Variants in EOGT observed in about 807,000 individuals in gnomAD.
The protein encoded by EOGT is EGF domain specific O-linked N-acetylglucosamine transferase.
In EOGT, 55 loss-of-function variants were observed where a neutral mutation model predicts 70.5. That is an observed-to-expected ratio of 0.78 (90% CI 0.63 to 0.98). The LOEUF (loss-of-function observed/expected upper bound fraction) is 0.98, where lower values mean the gene tolerates loss of function less well. EOGT is among the 50% of genes least tolerant of loss of function. EOGT has a pLI of 0.00. For missense variants in EOGT, 703 were observed against 641.9 expected (o/e 1.10, Z -1.03); for synonymous variants, 246 against 217.1 (o/e 1.13, Z -1.17).
At position 68,979,763 on chromosome 3, in the gene EOGT, T is replaced by C. The variant is rs200059303; in HGVS notation, c.1239A>G (p.Leu413=). 1.9e-6 allele frequency: 3 copies of C among 1,613,576 alleles called. No individual in the cohort carries two copies. The highest frequency in any genetic ancestry group is 2.5e-6 in the Non-Finnish European group (3 of 1,179,626). The change falls in exon 16 of 18, where the codon CTA becomes CTG. Residue 413 remains leucine (L), a synonymous_variant. Coordinates refer to ENST00000383701, the MANE Select transcript of EOGT (RefSeq NM_001278689.2). ...ATATGTCCGTGTTGTGTGTGATCCTTAGTTGATCTAAAAACCCAAGTTCTC... is the reference window on the plus strand; with the variant it reads ...ATATGTCCGTGTTGTGTGTGATCCTCAGTTGATCTAAAAACCCAAGTTCTC... The part of the protein sequence containing the change: ...KYRELGFLDQ[L]RITHNTDIFI...
intron 14 of EOGT, among the ~76,000 whole-genome samples, chr3:68,983,665 G>T (rs938359415): frequency 6.6e-6 from 1 of 152,152 alleles, no homozygotes; most frequent in South Asian, 2.1e-4. Context: ...CTTAATCCTC[G>T]TAAGAATCAC....
chr3:69,001,805 T>G (rs2091300489), intron 8 of EOGT, 91 bp from the exon 9 acceptor site: 17 of 844,566 alleles, frequency 2.0e-5, no homozygotes, highest in Admixed American at 4.7e-5. Flanking sequence ...ATTAGGCAGA[T>G]TTTACCTCTA....
chr3:68,991,122 C>T (rs746715884), intron 10 of EOGT, among the ~76,000 whole-genome samples: 1 of 152,222 alleles, frequency 6.6e-6, no homozygotes, highest in South Asian at 2.1e-4. Context: ...GTAATCCTGA[C>T]TGATCCTTCC....
At chr3:68,986,052 A>C (rs957506346) in intron 14 of EOGT, among the ~76,000 whole-genome samples, 1 of 152,138 alleles carries the variant, frequency 6.6e-6, no homozygotes, top group East Asian at 1.9e-4. Flanking sequence ...CACTTCCCTT[A>C]TATCTCCCTC....
At chr3:68,992,842 G>A (rs1260876153) in intron 10 of EOGT, among the ~76,000 whole-genome samples, 1 of 152,174 alleles carries the variant, frequency 6.6e-6, no homozygotes, top group African/African-American at 2.4e-5. Flanking sequence ...TGACTTCTGT[G>A]CACCGCAGGC....
chr3:68,986,394 T>G lies in EOGT; in HGVS notation c.1152+1051A>C, dbSNP rs1206296631. Reference sequence around the variant, plus strand: ...AACGCCCTGCTTTAAAACTTCACAATGGCTTTCCCCTACACTGGAATAAAA... The same window carrying G: ...AACGCCCTGCTTTAAAACTTCACAAGGGCTTTCCCCTACACTGGAATAAAA... On this transcript the variant is annotated intron_variant, in intron 14 of 17. Coordinates refer to ENST00000383701, the MANE Select transcript of EOGT (RefSeq NM_001278689.2). 2.0e-5 allele frequency among the ~76,000 whole-genome samples: 3 copies of G among 152,078 alleles called. No individual in the cohort carries two copies. In the East Asian group the frequency reaches 5.8e-4, roughly 29 times the overall value.
At chr3:68,982,728 C>T in intron 15 of EOGT, 83 bp downstream of exon 15, 1 of 939,488 alleles carries the variant, frequency 1.1e-6, no homozygotes, top group Non-Finnish European at 1.6e-6. Context: ...GCCAATGGCT[C>T]CCACTGGAAA....
In EOGT at chr3:68,975,687, A is replaced by G. The variant is rs1270263556; in HGVS notation, c.*1931T>C. 1.3e-5 allele frequency: 2 copies of G among 152,278 alleles called. No homozygotes were observed. Among genetic ancestry groups the G allele is most frequent in the African/African-American group, 4.8e-5 (2 of 41,452 alleles). 9.4% of individuals were successfully genotyped at this position (152,278 alleles called of 1,614,324 possible). On this transcript the variant is annotated 3_prime_UTR_variant, in exon 18 of 18. Coordinates refer to ENST00000383701, the MANE Select transcript of EOGT (RefSeq NM_001278689.2). ...TACAATACCTGCCACTTAAAAATCC[A>G]TAACATGTTGTAATTCTTCTTATGT...
At chr3:69,013,245 G>T (rs1401002952) in intron 1 of EOGT, among the ~76,000 whole-genome samples, 1 of 151,670 alleles carries the variant, frequency 6.6e-6, no homozygotes, top group Non-Finnish European at 1.5e-5. Flanking sequence ...CGGCGCCCCG[G>T]GTCCCCAGCG....
At chr3:69,007,973 C>T in intron 5 of EOGT, 152 bp from the exon 6 acceptor site, 1 of 558,296 alleles carries the variant, frequency 1.8e-6, no homozygotes, top group Non-Finnish European at 3.2e-6. Context: ...CGCCTCACTA[C>T]ATGAAGTTAC....
At chr3:68,993,293 T>C (rs948032821) in intron 10 of EOGT, among the ~76,000 whole-genome samples, 2 of 152,196 alleles carry the variant, frequency 1.3e-5, no homozygotes, top group African/African-American at 2.4e-5. Flanking sequence ...TTTTGAATAC[T>C]TTCCTGCTTA....
intron 10 of EOGT, among the ~76,000 whole-genome samples, chr3:68,990,206 T>A (rs1284828533): frequency 6.6e-6 from 1 of 152,168 alleles, no homozygotes; most frequent in Non-Finnish European, 1.5e-5. Context: ...ATGAGGAAAC[T>A]GAGACACAAT....
chr3:69,009,953 AGGGTCAAG>A, intron 3 of EOGT, 93 bp from the exon 4 acceptor site: 3 of 756,402 alleles, frequency 4.0e-6, no homozygotes, highest in Non-Finnish European at 6.3e-6. Context: ...AAAAAAACAA[AGGGTCAAG>A]GGCTAAGTAT....
intron 10 of EOGT, among the ~76,000 whole-genome samples, chr3:68,996,844 G>A (rs1352540201): frequency 1.3e-5 from 2 of 152,204 alleles, no homozygotes; most frequent in Non-Finnish European, 2.9e-5. Context: ...CTTGGTGGGT[G>A]TTCCAACTTC....
In EOGT at chr3:68,977,332, A is replaced by G. The variant is rs2090499187; in HGVS notation, c.*286T>C. 1.2e-5 allele frequency: 3 copies of G among 255,448 alleles called. No individual in the cohort carries two copies. The highest frequency in any genetic ancestry group is 1.1e-4 in the South Asian group (2 of 17,566). The allele number at this position is 255,448 out of a possible 1,614,324, so 15.8% of individuals were successfully genotyped here. ...CAGTGAGACTCTGTCTCCAAAAAAA[A>G]AAAAAGAAAGAAAGAAAGTTAAAGT... On this transcript the variant is annotated 3_prime_UTR_variant, in exon 18 of 18. Transcript: ENST00000383701.
chr3:68,988,688 G>T, intron 11 of EOGT, 111 bp from the exon 12 acceptor site: 1 of 697,726 alleles, frequency 1.4e-6, no homozygotes, highest in Non-Finnish European at 2.3e-6. Context: ...TGCATTGCTT[G>T]AATAGCACAC....
At chr3:69,003,788 C>T (rs1019004363) in intron 8 of EOGT, among the ~76,000 whole-genome samples, 2 of 152,086 alleles carry the variant, frequency 1.3e-5, no homozygotes, top group Non-Finnish European at 1.5e-5. Context: ...TATTTTTGGA[C>T]CTGGGTAAAA....
intron 10 of EOGT, among the ~76,000 whole-genome samples, chr3:68,996,186 A>G (rs1287007857): frequency 1.3e-5 from 2 of 152,238 alleles, no homozygotes; most frequent in Non-Finnish European, 2.9e-5. Flanking sequence ...ATGTAAATGC[A>G]TATAGACGGA....
intron 9 of EOGT, among the ~76,000 whole-genome samples, chr3:69,000,174 T>G (rs961702912): frequency 2.6e-5 from 4 of 152,162 alleles, no homozygotes; most frequent in African/African-American, 9.7e-5. Flanking sequence ...TGCAATGAGC[T>G]GTGATCATGC....
Sources: gnomAD v4.1 joint callset for allele counts (sites outside exome capture counted in the v4.1 genomes callset) on GRCh38, gnomAD v4.1.1 for gene constraint, MANE v1.5 for transcripts, NCBI Gene and HGNC (gene_info 2026-07-23, HGNC 2026-07-21) for gene names.